ASIC2: variants seen among roughly 807,000 people sequenced by gnomAD.
ASIC2 encodes acid-sensing ion channel 2.
A neutral mutation model predicts 57.3 loss-of-function variants in ASIC2; 25 were observed. The ratio of observed to expected loss-of-function variants is 0.44; its 90% confidence interval spans 0.32 to 0.61. ASIC2 has a LOEUF of 0.61. Among genes scored for constraint, ASIC2 ranks in the 20% least tolerant of loss-of-function variants. ASIC2 has a pLI of 0.06. For missense variants in ASIC2, 641 were observed against 738.1 expected, an observed-to-expected ratio of 0.87 and a Z score of 1.52; for synonymous variants, 319 against 307.5, an observed-to-expected ratio of 1.04 and a Z score of -0.39.
intron 1 of ASIC2, among the ~76,000 whole-genome samples, chr17:33,306,558 A>T (rs778281734): frequency 5.9e-5 from 9 of 152,142 alleles, no homozygotes; most frequent in Non-Finnish European, 1.2e-4. Flanking sequence ...CACTTCTCCC[A>T]CATTCCATCC....
intron 1 of ASIC2, among the ~76,000 whole-genome samples, chr17:33,394,816 T>G (rs1178279756): frequency 6.6e-6 from 1 of 152,242 alleles, no homozygotes; most frequent in Middle Eastern, 3.4e-3. Flanking sequence ...GGTCATGTCG[T>G]TTTTGAATCA....
chr17:33,342,917 G>A (rs1046145026), intron 1 of ASIC2, among the ~76,000 whole-genome samples: 8 of 152,102 alleles, frequency 5.3e-5, no homozygotes, highest in African/African-American at 1.2e-4. Context: ...CTAGGGACTC[G>A]GTTGGATGGG....
chr17:34,142,350 A>G (rs1279104921), intron 1 of ASIC2, among the ~76,000 whole-genome samples: 1 of 152,184 alleles, frequency 6.6e-6, no homozygotes, highest in Non-Finnish European at 1.5e-5. Context: ...TTTTCAGAGA[A>G]CAGAAAGAAA....
chr17:33,923,957 A>G (rs1040584430), intron 1 of ASIC2, among the ~76,000 whole-genome samples: 8 of 152,196 alleles, frequency 5.3e-5, no homozygotes, highest in Non-Finnish European at 1.0e-4. Context: ...CCGGACTCAC[A>G]GGCAGAATGG....
intron 1 of ASIC2, among the ~76,000 whole-genome samples, chr17:34,063,487 C>T (rs1403761811): frequency 6.6e-6 from 1 of 152,186 alleles, no homozygotes; most frequent in African/African-American, 2.4e-5. Flanking sequence ...TTCACCACTC[C>T]TCTTCAACAC....
At chr17:33,904,118 G>C (rs975534686) in intron 1 of ASIC2, among the ~76,000 whole-genome samples, 1 of 131,446 alleles carries the variant, frequency 7.6e-6, no homozygotes, top group Non-Finnish European at 1.5e-5. Context: ...AACCGAGATC[G>C]CGCCATTGTA....
At chr17:33,579,288 A>G (rs1408955563) in intron 1 of ASIC2, among the ~76,000 whole-genome samples, 3 of 144,156 alleles carry the variant, frequency 2.1e-5, no homozygotes, top group Admixed American at 6.9e-5. Flanking sequence ...CTGTGTCTCA[A>G]AAAAAAAAAA....
At chr17:33,680,243 C>T (rs1237383213) in intron 1 of ASIC2, among the ~76,000 whole-genome samples, 1 of 152,084 alleles carries the variant, frequency 6.6e-6, no homozygotes, top group Non-Finnish European at 1.5e-5. Flanking sequence ...ATGATGTCCC[C>T]CACTATGAAC....
intron 1 of ASIC2, among the ~76,000 whole-genome samples, chr17:33,582,888 T>A (rs898532834): frequency 6.6e-6 from 1 of 152,234 alleles, no homozygotes; most frequent in African/African-American, 2.4e-5. Flanking sequence ...CAGTGGGCAC[T>A]GTTATTTTAA....
At chr17:33,051,929 T>G (rs2091978471) in intron 3 of ASIC2, among the ~76,000 whole-genome samples, 1 of 152,144 alleles carries the variant, frequency 6.6e-6, no homozygotes, top group African/African-American at 2.4e-5. Flanking sequence ...CCAGGGCCCT[T>G]TAAGTGGCAG....
At chr17:33,846,372 G>C (rs1165610541) in intron 1 of ASIC2, among the ~76,000 whole-genome samples, 1 of 152,166 alleles carries the variant, frequency 6.6e-6, no homozygotes, top group Non-Finnish European at 1.5e-5. Context: ...CACCTGCCCA[G>C]TTCTGCTGGG....
At chr17:33,227,579 T>C in intron 1 of ASIC2, among the ~76,000 whole-genome samples, 1 of 152,142 alleles carries the variant, frequency 6.6e-6, no homozygotes, top group East Asian at 1.9e-4. Flanking sequence ...CCTCTTCAAC[T>C]GTCCTTTCCA....
chr17:33,859,504 A>T (rs1339720023), intron 1 of ASIC2, among the ~76,000 whole-genome samples: 1 of 152,220 alleles, frequency 6.6e-6, no homozygotes, highest in Non-Finnish European at 1.5e-5. Context: ...CTTGTCCAGT[A>T]TCACACTGGG....
intron 1 of ASIC2, among the ~76,000 whole-genome samples, chr17:33,868,424 A>G (rs866882199): frequency 2.6e-5 from 4 of 152,298 alleles, no homozygotes; most frequent in Middle Eastern, 3.4e-3. Flanking sequence ...TCAGACCCCT[A>G]CCTCACACCA....
At chr17:33,134,970 A>C (rs1443742533) in intron 1 of ASIC2, among the ~76,000 whole-genome samples, 1 of 152,234 alleles carries the variant, frequency 6.6e-6, no homozygotes, top group Non-Finnish European at 1.5e-5. Context: ...AAAGATGAGA[A>C]GGCCCTGGAG....
intron 1 of ASIC2, among the ~76,000 whole-genome samples, chr17:33,782,258 T>A (rs1176463603): frequency 6.6e-6 from 1 of 152,168 alleles, no homozygotes; most frequent in Non-Finnish European, 1.5e-5. Context: ...TTTATCTTAT[T>A]TTTTTCCCCT....
intron 1 of ASIC2, among the ~76,000 whole-genome samples, chr17:34,017,047 A>G (rs141344085): frequency 1.9e-3 from 288 of 152,356 alleles, no homozygotes; most frequent in African/African-American, 6.7e-3. Context: ...TTATTGCACC[A>G]TGATTTAATA....
At chr17:33,490,050 GC>G (rs1913704213) in intron 1 of ASIC2, among the ~76,000 whole-genome samples, 1 of 152,134 alleles carries the variant, frequency 6.6e-6, no homozygotes, top group African/African-American at 2.4e-5. Context: ...TTTGTGTTTT[GC>G]TTTTATCATT....
At chr17:33,039,271 C>A (rs2141915760) in intron 3 of ASIC2, among the ~76,000 whole-genome samples, 1 of 152,304 alleles carries the variant, frequency 6.6e-6, no homozygotes, top group East Asian at 1.9e-4. Flanking sequence ...GGACCAAATT[C>A]CATTAGGCTT....
Sources: gnomAD v4.1 joint callset for allele counts (sites outside exome capture counted in the v4.1 genomes callset) on GRCh38, gnomAD v4.1.1 for gene constraint, MANE v1.5 for transcripts, NCBI Gene and HGNC (gene_info 2026-07-23, HGNC 2026-07-21) for gene names.